Variants in SUPV3L1 observed in about 807,000 individuals in gnomAD.
SUPV3L1 encodes ATP-dependent RNA helicase SUPV3L1, mitochondrial.
In SUPV3L1, 35 loss-of-function variants were observed where a neutral mutation model predicts 70.0. That is an observed-to-expected ratio of 0.50 (90% CI 0.38 to 0.66). The LOEUF is 0.66. Ranked by LOEUF, SUPV3L1 falls within the 30% of genes least tolerant of loss-of-function variation. The pLI is 0.00. For missense variants in SUPV3L1, 777 were observed against 961.5 expected (o/e 0.81, Z 2.54); for synonymous variants, 364 against 341.9 (o/e 1.06, Z -0.71).
intron 10 of SUPV3L1, among the ~76,000 whole-genome samples, chr10:69,199,547 A>C (rs1842630909): frequency 6.6e-6 from 1 of 151,194 alleles, no homozygotes; most frequent in Non-Finnish European, 1.5e-5. Flanking sequence ...AAGCCTGGTT[A>C]TTTTCTTTTT....
intron 1 of SUPV3L1, among the ~76,000 whole-genome samples, chr10:69,185,044 T>G (rs1034573977): frequency 3.3e-5 from 5 of 152,228 alleles, no homozygotes; most frequent in Admixed American, 2.6e-4. Flanking sequence ...TGGCATGTTA[T>G]CTCCCAATAG....
In SUPV3L1 at chr10:69,208,968, A is replaced by G. The variant is rs748872859; in HGVS notation, c.2294A>G (p.Glu765Gly). 3.4e-5 allele frequency: 55 copies of G among 1,614,042 alleles called. No homozygotes were observed. Among genetic ancestry groups the G allele is most frequent in the Non-Finnish European group, 4.2e-5 (50 of 1,180,030 alleles). ...WMTQQTEHNK[E>G]KTESGTHPKG... ...ACACAACAAACTGAACACAACAAAG[A>G]AAAAACAGAGTCTGGGACTCATCCA... The change falls in exon 15 of 15, where the codon GAA becomes GGA. Residue 765 changes from glutamate (E) to glycine (G), a missense_variant. Glu to Gly is a moderately conservative substitution (Grantham distance 98). Coordinates refer to ENST00000359655, the MANE Select transcript of SUPV3L1 (RefSeq NM_003171.5).
chr10:69,194,346 G>GA (rs994131383), intron 6 of SUPV3L1, among the ~76,000 whole-genome samples: 120 of 148,584 alleles, frequency 8.1e-4, no homozygotes, highest in Middle Eastern at 3.4e-3. Context: ...CATCTCTAAA[G>GA]AAAAAAAAAC....
Position 69,207,819 on chromosome 10 carries a change from G to A in SUPV3L1, c.1803G>A (p.Glu601=). 6.2e-7 allele frequency: 1 copy of A among 1,613,974 alleles called. No individual in the cohort carries two copies. The highest frequency in any genetic ancestry group is 8.5e-7 in the Non-Finnish European group (1 of 1,179,984). Residue 601 remains glutamate (E), a synonymous_variant, in exon 14 of 15, where the codon GAG becomes GAA. Transcript: ENST00000359655. ...LQFARQYSRN[E]PLTFAWLRRY... Reference sequence around the variant, plus strand: ...TTGCCAGGCAGTATAGCAGGAATGAGCCCCTGACCTTTGCATGGTTACGCC... The same window carrying A: ...TTGCCAGGCAGTATAGCAGGAATGAACCCCTGACCTTTGCATGGTTACGCC...
At chr10:69,202,784 CTT>C in intron 12 of SUPV3L1, 81 bp from the exon 13 acceptor site, 1 of 1,386,276 alleles carries the variant, frequency 7.2e-7, no homozygotes, top group Non-Finnish European at 9.9e-7. Flanking sequence ...AAGAGATTGT[CTT>C]TTATAGACTT....
At chr10:69,184,418 C>A (rs1842157649) in intron 1 of SUPV3L1, among the ~76,000 whole-genome samples, 7 of 152,076 alleles carry the variant, frequency 4.6e-5, no homozygotes, top group Admixed American at 4.6e-4. Flanking sequence ...GCCTGTAATC[C>A]CAGCTACTTG....
chr10:69,181,106 G>A (rs550764288), intron 1 of SUPV3L1, among the ~76,000 whole-genome samples: 1 of 152,330 alleles, frequency 6.6e-6, no homozygotes, highest in African/African-American at 2.4e-5. Flanking sequence ...ATACAAGGTA[G>A]AACATGACAA....
At chr10:69,197,223 AC>A in intron 8 of SUPV3L1, 140 bp downstream of exon 8, 1 of 670,516 alleles carries the variant, frequency 1.5e-6, no homozygotes, top group Non-Finnish European at 2.6e-6. Flanking sequence ...GATCAACTAG[AC>A]CATATATATT....
intron 11 of SUPV3L1, among the ~76,000 whole-genome samples, chr10:69,201,759 G>A (rs1842685411): frequency 1.3e-5 from 2 of 151,604 alleles, no homozygotes. Context: ...GGCTGATCTT[G>A]AACTACTGTC....
At chr10:69,203,383 GC>G (rs1842735458) in intron 13 of SUPV3L1, among the ~76,000 whole-genome samples, 1 of 152,122 alleles carries the variant, frequency 6.6e-6, no homozygotes, top group Non-Finnish European at 1.5e-5. Flanking sequence ...CTCTACCAAG[GC>G]CGGGTGCAGT....
chr10:69,189,804 G>A (rs193282629), intron 5 of SUPV3L1, among the ~76,000 whole-genome samples: 6 of 151,876 alleles, frequency 4.0e-5, no homozygotes, highest in Non-Finnish European at 7.4e-5. Flanking sequence ...CCACCACCAC[G>A]CCTGGCTAAT....
At position 69,203,032 on chromosome 10, in the gene SUPV3L1, T is replaced by G; in HGVS notation, c.1765T>G (p.Ser589Ala). Residue 589 changes from serine to alanine, a missense_variant, in exon 13 of 15, where the codon TCA becomes GCA. By Grantham distance (99) the Ser-to-Ala change is moderately conservative. Coordinates refer to ENST00000359655, the MANE Select transcript of SUPV3L1 (RefSeq NM_003171.5). The part of the protein sequence containing the change: ...INKKQPFVCS[S>A]LLQFARQYSR... Reference sequence around the variant, plus strand: ...CAAGAAGCAGCCTTTTGTGTGTTCTTCACTGTTACAGGTAAGCCTTTATCT... The same window carrying G: ...CAAGAAGCAGCCTTTTGTGTGTTCTGCACTGTTACAGGTAAGCCTTTATCT... The G allele has an allele frequency of 6.2e-7, 1 of 1,612,778 alleles. No homozygotes were observed. The highest frequency in any genetic ancestry group is 8.5e-7 in the Non-Finnish European group (1 of 1,179,484).
chr10:69,184,873 T>TG (rs531222748), intron 1 of SUPV3L1, among the ~76,000 whole-genome samples: 85 of 152,326 alleles, frequency 5.6e-4, no homozygotes, highest in African/African-American at 1.9e-3. Context: ...GTAAAGGCTG[T>TG]GTCCTCATTG....
intron 1 of SUPV3L1, among the ~76,000 whole-genome samples, chr10:69,183,067 C>G (rs1842111346): frequency 6.6e-6 from 1 of 152,162 alleles, no homozygotes; most frequent in African/African-American, 2.4e-5. Flanking sequence ...TTACACACAC[C>G]TCACCTTAGC....
chr10:69,202,788 T>C, intron 12 of SUPV3L1, 79 bp from the exon 13 acceptor site: 1 of 1,403,216 alleles, frequency 7.1e-7, no homozygotes, highest in Non-Finnish European at 9.8e-7. Context: ...GATTGTCTTT[T>C]ATAGACTTGA....
At chr10:69,196,842 C>G in intron 7 of SUPV3L1, 150 bp from the exon 8 acceptor site, 2 of 602,722 alleles carry the variant, frequency 3.3e-6, no homozygotes, top group Non-Finnish European at 5.7e-6. Flanking sequence ...GTGATTATTT[C>G]AAGGTTTGCA....
intron 13 of SUPV3L1, among the ~76,000 whole-genome samples, chr10:69,206,937 G>A (rs1842845769): frequency 6.6e-6 from 1 of 152,186 alleles, no homozygotes; most frequent in African/African-American, 2.4e-5. Context: ...AACCCAGGAG[G>A]CGGAGGTTGC....
At chr10:69,203,677 A>AAAG (rs1842745576) in intron 13 of SUPV3L1, among the ~76,000 whole-genome samples, 1 of 150,892 alleles carries the variant, frequency 6.6e-6, no homozygotes. Context: ...AAAAAAAAAA[A>AAAG]CAAAACTCTA....
At chr10:69,187,505 A>G (rs577193092) in intron 3 of SUPV3L1, 137 bp from the exon 4 acceptor site, 115 of 577,922 alleles carry the variant, frequency 2.0e-4, no homozygotes, top group African/African-American at 1.9e-3. Flanking sequence ...GACGTGAGCT[A>G]CTGTGCCCAG....
Sources: allele counts gnomAD v4.1 joint callset (sites outside exome capture counted in the v4.1 genomes callset), GRCh38; gene constraint gnomAD v4.1.1; transcripts MANE v1.5; gene names NCBI Gene and HGNC (gene_info 2026-07-23, HGNC 2026-07-21).